RAB5IF: variants seen among roughly 807,000 people sequenced by gnomAD.
RAB5IF encodes RAB5 interacting factor.
A neutral mutation model predicts 20.3 loss-of-function variants in RAB5IF; 15 were observed. The observed-to-expected ratio is 0.74, with a 90% CI of 0.50 to 1.14. The LOEUF (loss-of-function observed/expected upper bound fraction) is 1.14, where lower values mean the gene tolerates loss of function less well. Among genes scored for constraint, RAB5IF ranks in the 50% most tolerant of loss-of-function variants. The probability of loss-of-function intolerance (pLI) is 0.00; values close to 1 mark genes in which losing one functional copy is unlikely to be tolerated. For missense variants in RAB5IF, 148 were observed against 159.5 expected (o/e 0.93, Z 0.39); for synonymous variants, 67 against 63.7 (o/e 1.05, Z -0.25).
At chr20:36,608,348 G>A (rs1011661139) in intron 2 of RAB5IF, among the ~76,000 whole-genome samples, 4 of 151,954 alleles carry the variant, frequency 2.6e-5, no homozygotes, top group African/African-American at 9.7e-5. Flanking sequence ...GGACTCAAAT[G>A]ATTTTCCTGC....
intron 2 of RAB5IF, 140 bp downstream of exon 2, chr20:36,607,958 G>GCTTTT: frequency 6.6e-7 from 1 of 1,508,418 alleles, no homozygotes; most frequent in Non-Finnish European, 8.9e-7. Context: ...GCCCTACAGT[G>GCTTTT]GCACTCCTGG....
chr20:36,609,597 C>T lies in RAB5IF; in HGVS notation c.219-4C>T. 4 of 1,579,458 alleles carry T rather than the reference C, an allele frequency of 2.5e-6. No homozygotes were observed. Among genetic ancestry groups the T allele is most frequent in the Non-Finnish European group, 3.4e-6 (4 of 1,163,834 alleles). On this transcript the variant is annotated splice_polypyrimidine_tract_variant and splice_region_variant and intron_variant, in intron 2 of 3. Transcript: ENST00000344795. ...TGTTTGGTACTTGTTCTCTGTTGCT[C>T]CAGATTCTGCCTGATCAATGCAGGA...
rs6028360 is a variant in RAB5IF at position 36,612,210 on chromosome 20, G to A, written c.*159G>A. 1.2e-6 allele frequency: 2 copies of A among 1,614,180 alleles called. No individual in the cohort carries two copies. The highest frequency in any genetic ancestry group is 1.7e-6 in the Non-Finnish European group (2 of 1,180,042). On this transcript the variant is annotated 3_prime_UTR_variant, in exon 4 of 4. Transcript: ENST00000344795. ...TGTTGGGCATCAGTGTTTTCTGCAA[G>A]GGTTGTGACCTGAAACTTTTTAAAA...
chr20:36,609,898 T>C, intron 3 of RAB5IF, 168 bp downstream of exon 3: 1 of 1,141,848 alleles, frequency 8.8e-7, no homozygotes, highest in South Asian at 1.4e-5. Context: ...CCAGAAGATG[T>C]GGTCTGATAT....
chr20:36,610,098 C>T (rs1277459913), intron 3 of RAB5IF, among the ~76,000 whole-genome samples: 7 of 152,054 alleles, frequency 4.6e-5, no homozygotes, highest in South Asian at 2.1e-4. Context: ...GCCTGGCCAG[C>T]GTGGTGAAAT....
chr20:36,612,406 A>AGAGTT lies in RAB5IF; in HGVS notation c.*356_*360dup. The AGAGTT allele has an allele frequency of 1.6e-6, 1 of 643,300 alleles. No homozygotes were observed. The highest frequency in any genetic ancestry group is 2.7e-6 in the Non-Finnish European group (1 of 371,544). 39.8% of individuals were successfully genotyped at this position (643,300 alleles called of 1,614,324 possible). On this transcript the variant is annotated 3_prime_UTR_variant, in exon 4 of 4. Coordinates refer to ENST00000344795, the MANE Select transcript of RAB5IF (RefSeq NM_018840.5). ...TCTTCCTCGATTCTCCATCGGGTGT[A>AGAGTT]GAGTTTTTAAACTATCAATGGCATT...
chr20:36,605,951 G>A lies in RAB5IF; in HGVS notation c.-1G>A, dbSNP rs2038921372. ...CCCGGCCCGGGCGGCGCGACGGGAG[G>A]ATGAGCGGCGGGCGGCGGAAGGAGG... On this transcript the variant is annotated 5_prime_UTR_variant, in exon 1 of 4. Coordinates refer to ENST00000344795, the MANE Select transcript of RAB5IF (RefSeq NM_018840.5). 2.0e-6 allele frequency: 3 copies of A among 1,510,326 alleles called. No homozygotes were observed. The highest frequency in any genetic ancestry group is 2.7e-6 in the Non-Finnish European group (3 of 1,125,940). 93.6% of individuals were successfully genotyped at this position (1,510,326 alleles called of 1,614,324 possible).
At chr20:36,611,002 A>AT (rs957540812) in intron 3 of RAB5IF, among the ~76,000 whole-genome samples, 3 of 152,012 alleles carry the variant, frequency 2.0e-5, no homozygotes, top group Non-Finnish European at 2.9e-5. Flanking sequence ...TGTACGCTTT[A>AT]TTTTTTTGAC....
intron 1 of RAB5IF, 62 bp downstream of exon 1, chr20:36,606,127 G>T (rs1212257769): frequency 2.9e-6 from 3 of 1,046,684 alleles, no homozygotes; most frequent in South Asian, 3.7e-5. Flanking sequence ...GGGAACGGAA[G>T]ACTGGCGCGG....
At position 36,610,430 on chromosome 20, in the gene RAB5IF, G is replaced by A. The variant is rs1013679600; in HGVS notation, c.348+700G>A. Among the ~76,000 whole-genome samples the A allele has an allele frequency of 6.6e-5, 10 of 152,120 alleles. No individual in the cohort carries two copies. The East Asian group carries it at 1.7e-3, about 26-fold the overall frequency. On this transcript the variant is annotated intron_variant, in intron 3 of 3. Transcript: ENST00000344795. ...AAAAAGGAATGAAGTGGCCGGGCGC[G>A]GTCGCTCACACCTGTAATCCCAGCA...
chr20:36,612,400 G>A lies in RAB5IF; in HGVS notation c.*349G>A, dbSNP rs1463154826. On this transcript the variant is annotated 3_prime_UTR_variant, in exon 4 of 4. Coordinates refer to ENST00000344795, the MANE Select transcript of RAB5IF (RefSeq NM_018840.5). ...AAATTGTCTTCCTCGATTCTCCATC[G>A]GGTGTAGAGTTTTTAAACTATCAAT... The A allele has an allele frequency of 2.0e-5, 13 of 651,790 alleles. No individual in the cohort carries two copies. Among genetic ancestry groups the A allele is most frequent in the Admixed American group, 5.7e-5 (2 of 35,228 alleles). The allele number at this position is 651,790 out of a possible 1,614,324, so 40.4% of individuals were successfully genotyped here.
intron 2 of RAB5IF, among the ~76,000 whole-genome samples, chr20:36,609,133 C>G (rs1275022765): frequency 7.0e-6 from 1 of 143,164 alleles, no homozygotes; most frequent in African/African-American, 2.6e-5. Flanking sequence ...TCTGTTACTT[C>G]AAGGGGCTTT....
rs1249283791 is a variant in RAB5IF, at chr20:36,609,180, C to G, written c.219-421C>G. 5.7e-5 allele frequency among the ~76,000 whole-genome samples: 2 copies of G among 35,396 alleles called. 1 individual carries two copies. The highest frequency in any genetic ancestry group is 1.1e-4 in the Non-Finnish European group (2 of 18,626). The allele number at this position is 35,396 out of a possible 152,430, so 23.2% of individuals were successfully genotyped here. On this transcript the variant is annotated intron_variant, in intron 2 of 3. Coordinates refer to ENST00000344795, the MANE Select transcript of RAB5IF (RefSeq NM_018840.5). ...TTACACACACACACACACACACACA[C>G]ACACACACACACACGCACACACGCA...
chr20:36,606,008 C>T lies in RAB5IF; in HGVS notation c.57C>T (p.Ala19=), dbSNP rs368984059. The T allele has an allele frequency of 9.2e-6, 14 of 1,529,614 alleles. No individual in the cohort carries two copies. The highest frequency in any genetic ancestry group is 1.2e-5 in the South Asian group (1 of 81,578). 94.8% of individuals were successfully genotyped at this position (1,529,614 alleles called of 1,614,324 possible). A position where few individuals can be genotyped will look rare whatever the true frequency, so the allele number is the denominator to read the frequency against. Residue 19 remains alanine (A), a synonymous_variant, in exon 1 of 4, where the codon GCC becomes GCT. Coordinates refer to ENST00000344795, the MANE Select transcript of RAB5IF (RefSeq NM_018840.5). ...EPPQPQLANG[A]LKVSVWSKVL... is the part of the protein sequence containing the mutation. ...CTCAGCCGCAGCTGGCCAACGGGGC[C>T]CTCAAAGTCTCCGTCTGGAGTAAGG... is the stretch of plus-strand genomic sequence containing the variant.
chr20:36,606,965 C>G (rs1048150134), intron 1 of RAB5IF, among the ~76,000 whole-genome samples: 1 of 152,226 alleles, frequency 6.6e-6, no homozygotes, highest in African/African-American at 2.4e-5. Flanking sequence ...CCCTGCCCAG[C>G]TCTTGCAAAA....
chr20:36,610,578 C>T (rs887347992), intron 3 of RAB5IF, among the ~76,000 whole-genome samples: 3 of 151,930 alleles, frequency 2.0e-5, no homozygotes, highest in Non-Finnish European at 4.4e-5. Flanking sequence ...GCCTGTAGTC[C>T]CAGCTACTTG....
intron 2 of RAB5IF, among the ~76,000 whole-genome samples, chr20:36,609,180 C>CACAG (rs2039020204): frequency 2.8e-5 from 1 of 35,398 alleles, no homozygotes. Flanking sequence ...CACACACACA[C>CACAG]ACACACACAC....
At chr20:36,607,516 C>T (rs1216614338) in intron 1 of RAB5IF, among the ~76,000 whole-genome samples, 199 bp from the exon 2 acceptor site, 3 of 152,176 alleles carry the variant, frequency 2.0e-5, no homozygotes, top group Non-Finnish European at 4.4e-5. Flanking sequence ...AGGCTTCAGC[C>T]ACCACGCCCA....
chr20:36,610,652 G>C (rs1383763553), intron 3 of RAB5IF, among the ~76,000 whole-genome samples: 2 of 150,024 alleles, frequency 1.3e-5, no homozygotes, highest in African/African-American at 4.9e-5. Flanking sequence ...CCGAGATCGC[G>C]CCACTGCACT....
Sources: allele counts gnomAD v4.1 joint callset (sites outside exome capture counted in the v4.1 genomes callset), GRCh38; gene constraint gnomAD v4.1.1; transcripts MANE v1.5; gene names NCBI Gene and HGNC (gene_info 2026-07-23, HGNC 2026-07-21).